The following DNAJB4 variants were observed in gnomAD, a reference collection of about 807,000 sequenced individuals.
The protein encoded by DNAJB4 is DnaJ heat shock protein family (Hsp40) member B4.
In DNAJB4, 10 loss-of-function variants were observed where a neutral mutation model predicts 26.6. The observed-to-expected ratio is 0.38, with a 90% CI of 0.23 to 0.64. The LOEUF (loss-of-function observed/expected upper bound fraction) is 0.64. Among genes scored for constraint, DNAJB4 ranks in the 30% least tolerant of loss-of-function variants. The pLI is 0.58. For missense variants in DNAJB4, 328 were observed against 408.2 expected (o/e 0.80, Z 1.69); for synonymous variants, 136 against 134.8 (o/e 1.01, Z -0.06).
upstream of DNAJB4, among the ~76,000 whole-genome samples, chr1:78,000,717 G>A (rs2102601073): frequency 6.6e-6 from 1 of 152,276 alleles, no homozygotes; most frequent in South Asian, 2.1e-4. Context: ...AGGCGTGGTG[G>A]CTCATGCCTG....
upstream of DNAJB4, among the ~76,000 whole-genome samples, chr1:78,003,232 A>C (rs1660234879): frequency 6.6e-6 from 1 of 152,030 alleles, no homozygotes; most frequent in Non-Finnish European, 1.5e-5. Context: ...TAAAACTGGG[A>C]GTCTTAAGGT....
chr1:77,983,759 G>C (rs11162402), intron 1 of DNAJB4, among the ~76,000 whole-genome samples: 123,323 of 152,002 alleles, frequency 0.81, 50,237 homozygotes, highest in Middle Eastern at 0.87. Context: ...TCTTAGTACA[G>C]AACAAAATGG....
intron 1 of DNAJB4, among the ~76,000 whole-genome samples, chr1:77,988,998 C>G (rs779160899): frequency 2.6e-5 from 4 of 152,152 alleles, no homozygotes; most frequent in African/African-American, 4.8e-5. Flanking sequence ...AGCTGCTTCC[C>G]TATTTTCCAT....
chr1:78,004,879 A>T, upstream of DNAJB4: 1 of 521,348 alleles, frequency 1.9e-6, no homozygotes, highest in Admixed American at 3.5e-5. Context: ...AAATGGGAGG[A>T]TCTAGAAGGA....
intron 2 of DNAJB4, among the ~76,000 whole-genome samples, chr1:78,015,550 CTTT>C (rs766899519): frequency 3.5e-5 from 2 of 57,808 alleles, no homozygotes; most frequent in Non-Finnish European, 7.7e-5. Flanking sequence ...TTTCTTTCTT[CTTT>C]TTTTTTTTTT....
intron 1 of DNAJB4, among the ~76,000 whole-genome samples, chr1:77,984,059 A>G (rs998126868): frequency 6.6e-6 from 1 of 152,208 alleles, no homozygotes; most frequent in Non-Finnish European, 1.5e-5. Flanking sequence ...CTGTGTTCCT[A>G]CATAAGCAAA....
At chr1:77,980,367 G>A (rs1659543479) in intron 1 of DNAJB4, 1 of 151,570 alleles carries the variant, frequency 6.6e-6, no homozygotes, top group Non-Finnish European at 1.5e-5. Flanking sequence ...GTGTGTGTGT[G>A]TGTGTGTAAA....
chr1:77,995,598 G>A (rs919485806), intron 1 of DNAJB4, among the ~76,000 whole-genome samples: 1 of 152,064 alleles, frequency 6.6e-6, no homozygotes, highest in Admixed American at 6.6e-5. Flanking sequence ...GACTACAGGT[G>A]CATGCCACTA....
At chr1:77,994,083 T>G (rs894036104) in intron 1 of DNAJB4, among the ~76,000 whole-genome samples, 33 of 152,154 alleles carry the variant, frequency 2.2e-4, no homozygotes, top group Admixed American at 1.3e-4. Flanking sequence ...AATTCATAGT[T>G]AAAGTTTGGT....
At chr1:77,991,073 A>T (rs1659920925) in intron 1 of DNAJB4, among the ~76,000 whole-genome samples, 1 of 152,158 alleles carries the variant, frequency 6.6e-6, no homozygotes, top group African/African-American at 2.4e-5. Flanking sequence ...TTTGGGCTTC[A>T]CAGAAGCCCA....
chr1:78,000,927 G>A (rs1426545281), upstream of DNAJB4, among the ~76,000 whole-genome samples: 2 of 152,224 alleles, frequency 1.3e-5, no homozygotes, highest in East Asian at 1.9e-4. Context: ...AGGTTGCAGT[G>A]AGCCGAGATT....
upstream of DNAJB4, among the ~76,000 whole-genome samples, chr1:78,002,224 C>T (rs369159920): frequency 6.6e-6 from 1 of 152,176 alleles, no homozygotes; most frequent in South Asian, 2.1e-4. Flanking sequence ...TACCACTACT[C>T]TCCCTTTTAC....
At chr1:77,988,429 A>G (rs1659851940) in intron 1 of DNAJB4, among the ~76,000 whole-genome samples, 1 of 152,176 alleles carries the variant, frequency 6.6e-6, no homozygotes, top group African/African-American at 2.4e-5. Context: ...ATCTTCCCTC[A>G]GAATGTAAGT....
At chr1:77,980,404 T>G (rs1659548767) in intron 1 of DNAJB4, 1 of 151,580 alleles carries the variant, frequency 6.6e-6, no homozygotes, top group African/African-American at 2.4e-5. Flanking sequence ...TGTACTTCAG[T>G]TACCAAGTAA....
chr1:77,992,241 G>A (rs915965935), intron 1 of DNAJB4, among the ~76,000 whole-genome samples: 95 of 150,870 alleles, frequency 6.3e-4, no homozygotes, highest in Non-Finnish European at 1.2e-3. Flanking sequence ...GTGAAACCCC[G>A]TCTCTACTAA....
chr1:77,985,982 T>C (rs1659781879), intron 1 of DNAJB4, among the ~76,000 whole-genome samples: 1 of 152,152 alleles, frequency 6.6e-6, no homozygotes, highest in Admixed American at 6.6e-5. Context: ...GTCTAACCAA[T>C]AATATCCTGT....
intron 1 of DNAJB4, among the ~76,000 whole-genome samples, chr1:77,994,278 G>A (rs1303338781): frequency 1.3e-5 from 2 of 151,712 alleles, no homozygotes; most frequent in African/African-American, 2.4e-5. Context: ...CATGCCTGTA[G>A]TCCCAGCTAT....
upstream of DNAJB4, among the ~76,000 whole-genome samples, chr1:78,004,161 T>C (rs928559226): frequency 6.6e-6 from 1 of 152,148 alleles, no homozygotes; most frequent in African/African-American, 2.4e-5. Context: ...GTTCTTTAAA[T>C]AGGGATCCTG....
intron 1 of DNAJB4, among the ~76,000 whole-genome samples, chr1:78,009,928 A>AT (rs1660425050): frequency 6.6e-6 from 1 of 151,884 alleles, no homozygotes; most frequent in Admixed American, 6.6e-5. Flanking sequence ...CCAGCCTAGG[A>AT]TTTTTTTCAT....
Sources: gnomAD v4.1 joint callset for allele counts (sites outside exome capture counted in the v4.1 genomes callset) on GRCh38, gnomAD v4.1.1 for gene constraint, MANE v1.5 for transcripts, NCBI Gene and HGNC (gene_info 2026-07-23, HGNC 2026-07-21) for gene names.